GHR: variants seen among roughly 807,000 people sequenced by gnomAD.
GHR encodes the protein GH receptor.
GHR carries 35 observed loss-of-function variants against 67.1 expected under a neutral mutation model. That is an observed-to-expected ratio of 0.52 (90% CI 0.40 to 0.69). The LOEUF is 0.69. Ranked by LOEUF, GHR falls within the 30% of genes least tolerant of loss-of-function variation. The pLI, the probability that GHR is intolerant of heterozygous loss-of-function variation, is 0.00. For synonymous variants in GHR, 272 were observed against 269.1 expected, an observed-to-expected ratio of 1.01 and a Z score of -0.10; for missense variants, 792 against 764.6, an observed-to-expected ratio of 1.04 and a Z score of -0.42.
intron 1 of GHR, among the ~76,000 whole-genome samples, chr5:42,491,058 CA>C (rs1223520884): frequency 6.6e-6 from 1 of 152,212 alleles, no homozygotes. Context: ...TGAGCAGAAA[CA>C]GCCAAAGAAG....
At chr5:42,534,474 G>GTA (rs1194704066) in intron 1 of GHR, among the ~76,000 whole-genome samples, 5 of 147,482 alleles carry the variant, frequency 3.4e-5, no homozygotes, top group Non-Finnish European at 5.9e-5. Flanking sequence ...ATGTACATAT[G>GTA]TATATGTGTA....
intron 1 of GHR, among the ~76,000 whole-genome samples, chr5:42,508,046 C>CA (rs527553622): frequency 2.0e-5 from 3 of 152,172 alleles, no homozygotes; most frequent in South Asian, 2.1e-4. Context: ...CATACACTGC[C>CA]AAAAAAGAAT....
intron 2 of GHR, among the ~76,000 whole-genome samples, chr5:42,598,953 T>C (rs1363959341): frequency 1.3e-5 from 2 of 152,210 alleles, no homozygotes; most frequent in Non-Finnish European, 2.9e-5. Flanking sequence ...GAATATAAAA[T>C]ATGAAAAGCA....
chr5:42,640,186 C>G (rs1399892605), intron 3 of GHR, among the ~76,000 whole-genome samples: 1 of 152,134 alleles, frequency 6.6e-6, no homozygotes, highest in Non-Finnish European at 1.5e-5. Context: ...TTGTGGCAAA[C>G]TCTCTTACTG....
At chr5:42,571,269 A>C (rs933030404) in intron 2 of GHR, among the ~76,000 whole-genome samples, 1 of 152,130 alleles carries the variant, frequency 6.6e-6, no homozygotes, top group Non-Finnish European at 1.5e-5. Flanking sequence ...TGAACTCCTC[A>C]TGCCTGTGTC....
At chr5:42,588,272 C>A (rs575718205) in intron 2 of GHR, among the ~76,000 whole-genome samples, 1 of 151,940 alleles carries the variant, frequency 6.6e-6, no homozygotes, top group African/African-American at 2.4e-5. Flanking sequence ...GTAATCCCAG[C>A]GCTTTAGGAG....
chr5:42,702,631 A>G (rs973627206), intron 6 of GHR, among the ~76,000 whole-genome samples: 8 of 152,024 alleles, frequency 5.3e-5, no homozygotes, highest in South Asian at 2.1e-4. Flanking sequence ...ATTATTTTCC[A>G]TAGAGGGTAT....
chr5:42,526,876 A>G (rs1241950488), intron 1 of GHR, among the ~76,000 whole-genome samples: 2 of 152,220 alleles, frequency 1.3e-5, no homozygotes, highest in African/African-American at 4.8e-5. Flanking sequence ...TCGGGCCAAC[A>G]ACAGACCTCT....
intron 3 of GHR, among the ~76,000 whole-genome samples, chr5:42,685,490 C>G (rs2062665809): frequency 6.6e-6 from 1 of 152,192 alleles, no homozygotes; most frequent in Admixed American, 6.5e-5. Flanking sequence ...AATGGTATTT[C>G]TAGTTCTAGA....
chr5:42,536,873 T>C (rs1309283050), intron 1 of GHR, among the ~76,000 whole-genome samples: 2 of 152,114 alleles, frequency 1.3e-5, no homozygotes, highest in Non-Finnish European at 2.9e-5. Flanking sequence ...ATCTAATTTT[T>C]CCTGATTTAA....
intron 2 of GHR, among the ~76,000 whole-genome samples, chr5:42,571,552 G>A (rs1750316014): frequency 6.6e-6 from 1 of 152,172 alleles, no homozygotes; most frequent in Non-Finnish European, 1.5e-5. Context: ...CTGGGAGGTT[G>A]GTTAGGCTCC....
chr5:42,431,014 T>C (rs1388613234), intron 1 of GHR, among the ~76,000 whole-genome samples: 2 of 152,172 alleles, frequency 1.3e-5, no homozygotes, highest in Non-Finnish European at 2.9e-5. Context: ...CTGGGCTTCA[T>C]ATTTCTTGTA....
chr5:42,526,479 C>G (rs571636307), intron 1 of GHR, among the ~76,000 whole-genome samples: 1 of 152,256 alleles, frequency 6.6e-6, no homozygotes, highest in South Asian at 2.1e-4. Context: ...TAGCTAAGAT[C>G]AGTGATGAAG....
At chr5:42,472,098 C>G (rs904247997) in intron 1 of GHR, among the ~76,000 whole-genome samples, 3 of 152,150 alleles carry the variant, frequency 2.0e-5, no homozygotes, top group African/African-American at 7.2e-5. Context: ...TTTGCAAAAT[C>G]TGATGATGAG....
intron 1 of GHR, among the ~76,000 whole-genome samples, chr5:42,460,704 A>T (rs535775126): frequency 6.6e-6 from 1 of 152,360 alleles, no homozygotes; most frequent in Non-Finnish European, 1.5e-5. Context: ...CAAAAGCAAA[A>T]AAAGAGTGTT....
At chr5:42,482,325 G>T (rs569416940) in intron 1 of GHR, among the ~76,000 whole-genome samples, 1 of 152,186 alleles carries the variant, frequency 6.6e-6, no homozygotes, top group Non-Finnish European at 1.5e-5. Context: ...CTACTCAGGG[G>T]TCAGGGACCC....
At chr5:42,584,277 T>A (rs973372920) in intron 2 of GHR, among the ~76,000 whole-genome samples, 3 of 152,318 alleles carry the variant, frequency 2.0e-5, no homozygotes, top group Middle Eastern at 6.8e-3. Flanking sequence ...AGCTTTTTTT[T>A]AAATGAATGT....
At chr5:42,713,672 T>C (rs2076158538) in intron 8 of GHR, among the ~76,000 whole-genome samples, 153 bp downstream of exon 8, 1 of 152,222 alleles carries the variant, frequency 6.6e-6, no homozygotes, top group South Asian at 2.1e-4. Context: ...ATATTTACCA[T>C]TCATATAAAA....
At chr5:42,436,763 A>C (rs1743346264) in intron 1 of GHR, among the ~76,000 whole-genome samples, 1 of 152,224 alleles carries the variant, frequency 6.6e-6, no homozygotes, top group Admixed American at 6.5e-5. Context: ...GGGATGTGGA[A>C]TATTCAGTGT....
Sources: allele counts gnomAD v4.1 joint callset (sites outside exome capture counted in the v4.1 genomes callset), GRCh38; gene constraint gnomAD v4.1.1; transcripts MANE v1.5; gene names NCBI Gene and HGNC (gene_info 2026-07-23, HGNC 2026-07-21).